Variants in FRMPD4 observed in about 807,000 individuals in gnomAD.
FRMPD4 encodes FERM and PDZ domain-containing protein 4.
Under a neutral mutation model 94.1 loss-of-function variants are expected in FRMPD4, and 22 were observed. The observed-to-expected ratio is 0.23, with a 90% CI of 0.17 to 0.33. The LOEUF (loss-of-function observed/expected upper bound fraction) is 0.33, where lower values mean the gene tolerates loss of function less well. Among genes scored for constraint, FRMPD4 ranks in the 10% least tolerant of loss-of-function variants. FRMPD4 has a pLI of 1.00. For synonymous variants in FRMPD4, 631 were observed against 548.6 expected (o/e 1.15, Z -2.10); for missense variants, 1,111 against 1,339.9 (o/e 0.83, Z 2.67).
intron 4 of FRMPD4, among the ~76,000 whole-genome samples, chrX:12,625,610 C>G (rs1399446190): frequency 2.7e-5 from 3 of 111,418 alleles, no homozygotes; most frequent in Non-Finnish European, 5.7e-5. Flanking sequence ...ATGGAGAGTA[C>G]ATTGATAGTT....
intron 1 of FRMPD4, among the ~76,000 whole-genome samples, chrX:12,477,542 C>T (rs1316125105): frequency 8.9e-6 from 1 of 112,533 alleles, no homozygotes; most frequent in Non-Finnish European, 1.9e-5. Flanking sequence ...GCTGGGCAGA[C>T]ATCGGTCTTT....
At chrX:11,966,097 A>G (rs2054308116) in intron 3 of FRMPD4, among the ~76,000 whole-genome samples, 1 of 111,991 alleles carries the variant, frequency 8.9e-6, no homozygotes, top group Non-Finnish European at 1.9e-5. Flanking sequence ...GGAGGGAAAG[A>G]GCTTCTGTAC....
intron 1 of FRMPD4, among the ~76,000 whole-genome samples, chrX:12,184,435 C>G: frequency 8.9e-6 from 1 of 111,759 alleles, no homozygotes; most frequent in Non-Finnish European, 1.9e-5. Flanking sequence ...AATACCCTCA[C>G]TACATGCTCA....
chrX:12,279,271 G>A (rs141575361), intron 1 of FRMPD4, among the ~76,000 whole-genome samples: 200 of 111,412 alleles, frequency 1.8e-3, no homozygotes, highest in Non-Finnish European at 3.3e-3. Context: ...AATTCCTTCT[G>A]TTCCCAACAG....
chrX:12,227,763 T>C (rs1203179923), intron 1 of FRMPD4, among the ~76,000 whole-genome samples: 1 of 108,231 alleles, frequency 9.2e-6, no homozygotes, highest in Non-Finnish European at 1.9e-5. Flanking sequence ...ATTACACTAC[T>C]GCACTCCAGC....
chrX:12,618,062 G>C (rs1259249506), intron 4 of FRMPD4, among the ~76,000 whole-genome samples: 2 of 111,452 alleles, frequency 1.8e-5, no homozygotes, highest in Non-Finnish European at 3.8e-5. Context: ...CTCTAACTCA[G>C]ACTGTATAAT....
intron 1 of FRMPD4, among the ~76,000 whole-genome samples, chrX:12,282,391 G>C (rs1474530275): frequency 8.9e-6 from 1 of 112,401 alleles, no homozygotes; most frequent in African/African-American, 3.2e-5. Context: ...AACTTTTGGT[G>C]AAAGTTTTAA....
chrX:11,832,633 T>C (rs187997567), intron 1 of FRMPD4, among the ~76,000 whole-genome samples: 1 of 112,127 alleles, frequency 8.9e-6, no homozygotes, highest in African/African-American at 3.2e-5. Context: ...TCCCTTCTAC[T>C]ACCTTATTAA....
At chrX:12,576,776 A>C (rs767173590) in intron 2 of FRMPD4, among the ~76,000 whole-genome samples, 1 of 112,350 alleles carries the variant, frequency 8.9e-6, no homozygotes, top group African/African-American at 3.2e-5. Flanking sequence ...TCTTTAGCAC[A>C]TTGTTTATAA....
chrX:12,420,497 C>T lies in FRMPD4; in HGVS notation c.42-78183C>T, dbSNP rs187440690. On this transcript the variant is annotated intron_variant, in intron 1 of 16. Transcript: ENST00000675598. ...TCACCTCACTTGCTGCATCTCTCAT[C>T]ACCTGCCCTCCCTCGGCATTCTGTG... Among the ~76,000 whole-genome samples, 67 of 112,084 alleles carry T rather than the reference C, an allele frequency of 6.0e-4. 1 individual carries two copies. Among genetic ancestry groups the T allele is most frequent in the Non-Finnish European group, 4.1e-4 (22 of 53,151 alleles).
chrX:12,179,461 A>G (rs918611938), intron 1 of FRMPD4, among the ~76,000 whole-genome samples: 4 of 111,941 alleles, frequency 3.6e-5, no homozygotes, highest in African/African-American at 1.3e-4. Context: ...ATCACAAGAG[A>G]GTAATTTGGA....
intron 1 of FRMPD4, chrX:12,395,901 G>A (rs927376184): frequency 1.6e-5 from 2 of 125,490 alleles, no homozygotes; most frequent in African/African-American, 3.2e-5. Context: ...CCAGTGGCAC[G>A]TCTTGGGTTC....
intron 1 of FRMPD4, among the ~76,000 whole-genome samples, chrX:11,844,414 C>T (rs1223183337): frequency 9.0e-6 from 1 of 110,703 alleles, no homozygotes; most frequent in Non-Finnish European, 1.9e-5. Context: ...CTTTTTCCAG[C>T]TCTTCGGATA....
rs1170288194 is a variant in FRMPD4, at chrX:12,721,376, C to T, written c.4807C>T (p.Pro1603Ser). The T allele has an allele frequency of 1.6e-5, 12 of 753,399 alleles. No individual in the cohort carries two copies. In the South Asian group the frequency reaches 6.8e-4, roughly 43 times the overall value. 62.1% of individuals were successfully genotyped at this position (753,399 alleles called of 1,213,427 possible). The part of the protein sequence containing the change: ...NALKESTYAM[P>S]DGFLAAQNDA... ...CCTAAAGGAGAGCACATATGCAATG[C>T]CTGATGGGTTCCTTGCAGCCCAAAA... Residue 1603 changes from proline to serine, a missense_variant, in exon 17 of 17, where the codon CCT becomes TCT. By Grantham distance (74) the Pro-to-Ser change is moderately conservative. Transcript: ENST00000675598.
At chrX:12,608,188 A>T (rs56125529) in intron 2 of FRMPD4, among the ~76,000 whole-genome samples, 9,608 of 112,454 alleles carry the variant, frequency 0.085, 339 homozygotes, top group East Asian at 0.16. Context: ...GCCTTGAACA[A>T]TGTGCATGAG....
chrX:12,305,728 T>TTTTTTTGTTTGTTTG (rs1194485451), intron 1 of FRMPD4, among the ~76,000 whole-genome samples: 1 of 90,370 alleles, frequency 1.1e-5, no homozygotes, highest in African/African-American at 4.2e-5. Flanking sequence ...TGGCTAAGTT[T>TTTTTTTGTTTGTTTG]TTTTTTTTTT....
At chrX:12,707,137 C>T (rs2041891311) in intron 12 of FRMPD4, among the ~76,000 whole-genome samples, 1 of 110,986 alleles carries the variant, frequency 9.0e-6, no homozygotes, top group African/African-American at 3.3e-5. Flanking sequence ...TCAAAGGATT[C>T]TAACAATGGC....
chrX:11,867,665 C>A (rs1399659361), intron 2 of FRMPD4, among the ~76,000 whole-genome samples: 1 of 111,588 alleles, frequency 9.0e-6, no homozygotes, highest in East Asian at 2.8e-4. Flanking sequence ...CAGCCTGCAC[C>A]CCAATGGGTC....
At chrX:12,479,866 G>A (rs2057660734) in intron 1 of FRMPD4, among the ~76,000 whole-genome samples, 1 of 110,023 alleles carries the variant, frequency 9.1e-6, no homozygotes, top group African/African-American at 3.3e-5. Flanking sequence ...GTCTCTACTA[G>A]GAAATGGGTC....
Sources: gnomAD v4.1 joint callset for allele counts (sites outside exome capture counted in the v4.1 genomes callset) on GRCh38, gnomAD v4.1.1 for gene constraint, MANE v1.5 for transcripts, NCBI Gene and HGNC (gene_info 2026-07-23, HGNC 2026-07-21) for gene names.